Variants in SEMA4D observed in about 807,000 individuals in gnomAD.
The protein encoded by SEMA4D is semaphorin 4D.
A neutral mutation model predicts 74.8 loss-of-function variants in SEMA4D; 22 were observed. The observed-to-expected ratio is 0.29, with a 90% confidence interval of 0.21 to 0.42. The LOEUF is 0.42. Among genes scored for constraint, SEMA4D ranks in the 10% least tolerant of loss-of-function variants. SEMA4D has a pLI of 1.00. For synonymous variants in SEMA4D, 445 were observed against 463.7 expected (o/e 0.96, Z 0.52); for missense variants, 937 against 1,118.4 (o/e 0.84, Z 2.31).
intron 6 of SEMA4D, among the ~76,000 whole-genome samples, chr9:89,396,332 T>C (rs1333873118): frequency 6.6e-6 from 1 of 152,228 alleles, no homozygotes; most frequent in African/African-American, 2.4e-5. Flanking sequence ...CCAGGCTGTC[T>C]GTCCTTTCCA....
At chr9:89,485,656 C>G (rs1019213445) in intron 1 of SEMA4D, among the ~76,000 whole-genome samples, 2 of 151,836 alleles carry the variant, frequency 1.3e-5, no homozygotes, top group Non-Finnish European at 2.9e-5. Flanking sequence ...GGCATGGTGG[C>G]GCATGCCTGT....
intron 2 of SEMA4D, chr9:89,449,550 G>A: frequency 1.3e-6 from 1 of 779,550 alleles, no homozygotes; most frequent in Non-Finnish European, 2.4e-6. Flanking sequence ...AGTGGTGGTG[G>A]CAGGAAGATG....
At chr9:89,393,237 G>C (rs988972511) in intron 7 of SEMA4D, among the ~76,000 whole-genome samples, 1 of 152,248 alleles carries the variant, frequency 6.6e-6, no homozygotes, top group Non-Finnish European at 1.5e-5. Context: ...CTTGCTCAGA[G>C]GTGAGAGACC....
At chr9:89,410,580 A>G (rs9410476) in intron 2 of SEMA4D, among the ~76,000 whole-genome samples, 149,552 of 152,282 alleles carry the variant, frequency 0.98, 73,547 homozygotes, top group Non-Finnish European at 1. Context: ...GATGAAAAAA[A>G]GGGGAACAGA....
intron 1 of SEMA4D, among the ~76,000 whole-genome samples, 178 bp from the exon 2 acceptor site, chr9:89,456,131 A>G (rs1201253447): frequency 6.6e-6 from 1 of 152,240 alleles, no homozygotes; most frequent in Non-Finnish European, 1.5e-5. Context: ...GCCACGTGAG[A>G]CCAGAGGAGG....
intron 15 of SEMA4D, among the ~76,000 whole-genome samples, 192 bp downstream of exon 15, chr9:89,380,863 T>C (rs1041352999): frequency 6.6e-6 from 1 of 152,172 alleles, no homozygotes; most frequent in African/African-American, 2.4e-5. Context: ...ACACTCTAAG[T>C]GGCTTCAAGT....
chr9:89,376,887 G>C (rs1287339198), downstream of SEMA4D: 3 of 1,550,774 alleles, frequency 1.9e-6, no homozygotes, highest in Non-Finnish European at 2.6e-6. Context: ...TGCTGTGCCT[G>C]GTCACTCAGG....
rs571365471 is a variant in SEMA4D, at chr9:89,455,686, C to G, written c.-244+202G>C. Among the ~76,000 whole-genome samples the G allele has an allele frequency of 1.2e-4, 19 of 152,342 alleles. No homozygotes were observed. In the South Asian group the frequency reaches 3.9e-3, roughly 32 times the overall value. ...TCTATATCCACATCCCCTAAACCGA[C>G]CCTTACCACTCCAGGCAGAACCACC... On this transcript the variant is annotated intron_variant, in intron 2 of 15. Transcript: ENST00000422704.
chr9:89,465,803 CAA>C (rs1385474520), intron 1 of SEMA4D, among the ~76,000 whole-genome samples: 4 of 152,202 alleles, frequency 2.6e-5, no homozygotes, highest in Non-Finnish European at 5.9e-5. Flanking sequence ...CAGAGCTGTA[CAA>C]AGACAGGTGA....
rs759047712 is a variant in SEMA4D, at chr9:89,379,454, G to A, written c.1839C>T (p.Asn613=). 6.2e-7 allele frequency: 1 copy of A among 1,614,172 alleles called. No homozygotes were observed. The highest frequency in any genetic ancestry group is 1.1e-5 in the South Asian group (1 of 91,078). Residue 613 remains asparagine, a synonymous_variant, in exon 16 of 16, where the codon AAC becomes AAT. Transcript: ENST00000422704. The stretch of plus-strand genomic sequence containing the variant: ...ACACCCCACTGTCTCCTTCTGACAA[G>A]TTGAAGATGAGCAAGTTTTTTCTGC... ...LMGRKNLLIF[N]LSEGDSGVYQ...
At position 89,402,863 on chromosome 9, in the gene SEMA4D, G is replaced by T. The variant is rs1216162431; in HGVS notation, c.252+8C>A. The T allele has an allele frequency of 6.2e-7, 1 of 1,612,608 alleles. No homozygotes were observed. Among genetic ancestry groups the T allele is most frequent in the African/African-American group, 1.3e-5 (1 of 74,878 alleles). On this transcript the variant is annotated splice_region_variant and intron_variant, in intron 4 of 15. Transcript: ENST00000422704. ...CTATGTGGACATGCAGGGGAGCCCA[G>T]GACGTACCTCATGCTGCTTCTCGGA...
In SEMA4D at chr9:89,363,738, T is replaced by C. The variant is rs1254814662; in HGVS notation, c.2092+3A>G. The C allele has an allele frequency of 1.9e-6, 3 of 1,611,546 alleles. No homozygotes were observed. The African/African-American group carries it at 4.0e-5, about 22-fold the overall frequency. Reference sequence around the variant, plus strand: ...GGTAACAGTGGGCATGGGAATCACTTACCAGGTCTCATCACAGCAACCTGC... The same window carrying C: ...GGTAACAGTGGGCATGGGAATCACTCACCAGGTCTCATCACAGCAACCTGC... On this transcript the variant is annotated splice_donor_region_variant and intron_variant, in intron 17 of 18. Coordinates refer to the SEMA4D transcript ENST00000339861.
At chr9:89,467,295 C>A (rs540688014) in intron 1 of SEMA4D, among the ~76,000 whole-genome samples, 2 of 152,292 alleles carry the variant, frequency 1.3e-5, no homozygotes, top group Admixed American at 1.3e-4. Flanking sequence ...TGAAAACACA[C>A]ACATCTGATG....
chr9:89,431,574 T>C (rs1849286132), intron 2 of SEMA4D, among the ~76,000 whole-genome samples: 2 of 152,254 alleles, frequency 1.3e-5, no homozygotes, highest in Non-Finnish European at 2.9e-5. Flanking sequence ...CATAGCTCAC[T>C]GCAGCCTTGA....
chr9:89,403,564 CAG>C (rs2133669193), intron 3 of SEMA4D, among the ~76,000 whole-genome samples: 1 of 152,340 alleles, frequency 6.6e-6, no homozygotes, highest in East Asian at 1.9e-4. Context: ...AACTTATAGA[CAG>C]AGAAACAAGT....
intron 5 of SEMA4D, among the ~76,000 whole-genome samples, chr9:89,398,895 T>C (rs1287888144): frequency 1.3e-5 from 2 of 152,162 alleles, no homozygotes; most frequent in Admixed American, 1.3e-4. Context: ...GACTAGCAAC[T>C]CCTCCAAGCC....
chr9:89,448,908 A>C (rs1217992844), intron 2 of SEMA4D, among the ~76,000 whole-genome samples: 1 of 152,176 alleles, frequency 6.6e-6, no homozygotes, highest in Non-Finnish European at 1.5e-5. Flanking sequence ...AGGGCCTGAA[A>C]GGGTTACGTG....
chr9:89,449,778 A>G (rs1226724114), intron 2 of SEMA4D: 8 of 1,508,974 alleles, frequency 5.3e-6, no homozygotes, highest in Non-Finnish European at 7.4e-6. Flanking sequence ...GAAGAAACGT[A>G]TTGCTTTTCC....
Position 89,381,003 on chromosome 9 carries a change from C to T in SEMA4D, c.1663+52G>A. The T allele has an allele frequency of 6.2e-7, 1 of 1,608,674 alleles. No individual in the cohort carries two copies. The highest frequency in any genetic ancestry group is 2.2e-5 in the East Asian group (1 of 44,850). On this transcript the variant is annotated intron_variant, in intron 15 of 15. Transcript: ENST00000422704. This position sits in a 1 kb window ranked among gnomAD's most constrained non-coding sequence, Gnocchi z 4.6. ...ACAGAACTGAAGCACCGTGAAATGG[C>T]TACAAGACCTCGCCACTCCCAAAGG...
Sources: gnomAD v4.1 joint callset for allele counts (sites outside exome capture counted in the v4.1 genomes callset) on GRCh38, gnomAD v4.1.1 for gene constraint, Gnocchi (gnomAD v3.1) non-coding constraint, MANE v1.5 for transcripts, NCBI Gene and HGNC (gene_info 2026-07-23, HGNC 2026-07-21) for gene names.